The following TAOK3 variants were observed in gnomAD, a reference collection of about 807,000 sequenced individuals.
The protein encoded by TAOK3 is serine/threonine-protein kinase TAO3.
In TAOK3, 40 loss-of-function variants were observed where a neutral mutation model predicts 120.4. The observed-to-expected ratio is 0.33, with a 90% CI of 0.26 to 0.43. The LOEUF (loss-of-function observed/expected upper bound fraction) is 0.43. TAOK3 is among the 20% of genes least tolerant of loss of function. TAOK3 has a pLI of 1.00. For synonymous variants in TAOK3, 355 were observed against 387.5 expected, an observed-to-expected ratio of 0.92 and a Z score of 0.99; for missense variants, 821 against 1,112.1, an observed-to-expected ratio of 0.74 and a Z score of 3.72.
rs147120155 is a variant in TAOK3, at chr12:118,199,084, T to A, written c.1161A>T (p.Thr387=). The change falls in exon 13 of 21, where the codon ACA becomes ACT. Residue 387 remains threonine (T), a synonymous_variant. Transcript: ENST00000392533. Reference sequence around the variant, plus strand: ...GCACGACGGAGGAGCTGGAATTGATTGTGCTTTCGTCATCGTGCATCATGA... The same window carrying A: ...GCACGACGGAGGAGCTGGAATTGATAGTGCTTTCGTCATCGTGCATCATGA... ...ELVMMHDDES[T]INSSSSVVHK... The A allele has an allele frequency of 6.2e-7, 1 of 1,614,168 alleles. No homozygotes were observed. The highest frequency in any genetic ancestry group is 1.1e-5 in the South Asian group (1 of 91,088).
At chr12:118,324,734 CTTTTTTTTT>C (rs35462737) in intron 1 of TAOK3, among the ~76,000 whole-genome samples, 3 of 69,584 alleles carry the variant, frequency 4.3e-5, no homozygotes, top group African/African-American at 1.8e-4. Flanking sequence ...GAATTTCATT[CTTTTTTTTT>C]TTTTTTTTTT....
chr12:118,205,606 C>A (rs142669893), intron 11 of TAOK3, among the ~76,000 whole-genome samples: 9 of 151,976 alleles, frequency 5.9e-5, no homozygotes, highest in East Asian at 1.9e-4. Context: ...ATGTCATTCC[C>A]CCATTCCAAC....
intron 1 of TAOK3, among the ~76,000 whole-genome samples, chr12:118,301,018 T>C (rs1224199736): frequency 6.6e-6 from 1 of 152,112 alleles, no homozygotes; most frequent in Non-Finnish European, 1.5e-5. Context: ...TCAAATGATC[T>C]GCCTGCCTCA....
intron 13 of TAOK3, among the ~76,000 whole-genome samples, chr12:118,196,863 G>A (rs969600878): frequency 6.6e-6 from 1 of 152,058 alleles, no homozygotes; most frequent in African/African-American, 2.4e-5. Context: ...CACTATTCTA[G>A]GTATTGGATT....
rs569332293 is a variant in TAOK3 at position 118,181,263 on chromosome 12, A to G, written c.1566+108T>C. ...GAAACCCAATTTTGCCACCCCGGAA[A>G]CAACAATTTTCCTCCATCCCCCACT... On this transcript the variant is annotated intron_variant, in intron 15 of 20. Coordinates refer to ENST00000392533, the MANE Select transcript of TAOK3 (RefSeq NM_016281.4). The G allele has an allele frequency of 1.0e-4, 98 of 973,582 alleles. No individual in the cohort carries two copies. In the African/African-American group the frequency reaches 1.5e-3, roughly 15 times the overall value. The allele number at this position is 973,582 out of a possible 1,614,324, so 60.3% of individuals were successfully genotyped here.
Position 118,353,887 on chromosome 12 carries a change from T to C in TAOK3, c.-194+18761A>G, listed in dbSNP as rs891850166. Among the ~76,000 whole-genome samples, 64 of 152,214 alleles carry C rather than the reference T, an allele frequency of 4.2e-4. 1 individual carries two copies. Among genetic ancestry groups the C allele is most frequent in the Non-Finnish European group, 1.0e-4 (7 of 68,024 alleles). On this transcript the variant is annotated intron_variant, in intron 1 of 20. Coordinates refer to ENST00000392533, the MANE Select transcript of TAOK3 (RefSeq NM_016281.4). ...AACATTTTTTTTTTCAAGTATCCTA[T>C]AAGGAGTTTCCTTGTTTGGTTTAGT...
In TAOK3 at chr12:118,255,652, G is replaced by C. The variant is rs1353214875; in HGVS notation, c.-85C>G. The C allele has an allele frequency of 2.2e-6, 3 of 1,371,108 alleles. No homozygotes were observed. In the African/African-American group the frequency reaches 4.4e-5, roughly 20 times the overall value. 84.9% of individuals were successfully genotyped at this position (1,371,108 alleles called of 1,614,324 possible). Reference sequence around the variant, plus strand: ...ATTTTTTTTGGGGGGTAAATCTTCAGTACCTGTAGAAAAATAAGGTTTGCC... The same window carrying C: ...ATTTTTTTTGGGGGGTAAATCTTCACTACCTGTAGAAAAATAAGGTTTGCC... On this transcript the variant is annotated 5_prime_UTR_variant, in exon 3 of 21. The change creates a premature stop within an existing upstream ORF in the 5' untranslated region. Coordinates refer to ENST00000392533, the MANE Select transcript of TAOK3 (RefSeq NM_016281.4).
Position 118,212,894 on chromosome 12 carries a change from A to C in TAOK3, c.819+20T>G. On this transcript the variant is annotated intron_variant, in intron 11 of 20. Transcript: ENST00000392533. ...CATGACTTTAAATCCCCCTCCTCAA[A>C]TATAAATTTGAAAAATTACCCTTAA... 1 of 1,540,214 alleles carries C rather than the reference A, an allele frequency of 6.5e-7. No homozygotes were observed. The highest frequency in any genetic ancestry group is 2.2e-5 in the East Asian group (1 of 44,456).
At chr12:118,339,391 T>A (rs769745925) in intron 1 of TAOK3, among the ~76,000 whole-genome samples, 4 of 150,482 alleles carry the variant, frequency 2.7e-5, no homozygotes, top group Non-Finnish European at 4.4e-5. Flanking sequence ...TTCAGGCGAT[T>A]CTCCTGCCTC....
chr12:118,190,038 T>C, intron 13 of TAOK3, 97 bp from the exon 14 acceptor site: 1 of 1,501,460 alleles, frequency 6.7e-7, no homozygotes. Flanking sequence ...GCACTGCTGT[T>C]TGAAATGCAT....
At chr12:118,298,027 G>C (rs1469720236) in intron 1 of TAOK3, among the ~76,000 whole-genome samples, 1 of 152,122 alleles carries the variant, frequency 6.6e-6, no homozygotes, top group Non-Finnish European at 1.5e-5. Context: ...TGATCCTTCT[G>C]TCTTGGCCTC....
chr12:118,213,830 T>G (rs562894314), intron 10 of TAOK3, among the ~76,000 whole-genome samples, 187 bp downstream of exon 10: 3 of 152,212 alleles, frequency 2.0e-5, no homozygotes, highest in Admixed American at 6.5e-5. Context: ...AAGGCAAAAA[T>G]AAGAAAATCT....
At chr12:118,181,345 A>C in intron 15 of TAOK3, 26 bp downstream of exon 15, 3 of 1,574,036 alleles carry the variant, frequency 1.9e-6, no homozygotes, top group Non-Finnish European at 2.6e-6. Context: ...TGGTTGTGGC[A>C]TGAAGGCGTG....
At chr12:118,262,821 C>T (rs1277294011) in intron 2 of TAOK3, among the ~76,000 whole-genome samples, 13 of 128,048 alleles carry the variant, frequency 1.0e-4, no homozygotes, top group Admixed American at 4.1e-4. Flanking sequence ...AGCAAGACTC[C>T]GTCTCAAAAA....
chr12:118,171,565 C>T (rs1394303786), intron 17 of TAOK3, among the ~76,000 whole-genome samples: 2 of 152,282 alleles, frequency 1.3e-5, no homozygotes, highest in African/African-American at 2.4e-5. Flanking sequence ...CCATGTTGGC[C>T]AGGTTGGTCT....
intron 1 of TAOK3, among the ~76,000 whole-genome samples, chr12:118,362,568 C>G (rs1007264771): frequency 6.6e-6 from 1 of 152,124 alleles, no homozygotes; most frequent in African/African-American, 2.4e-5. Flanking sequence ...TATTTGTTCA[C>G]AGTCGCAAAT....
chr12:118,192,515 T>C (rs1267485861), intron 13 of TAOK3, among the ~76,000 whole-genome samples: 4 of 152,296 alleles, frequency 2.6e-5, no homozygotes, highest in Non-Finnish European at 2.9e-5. Context: ...AAAATTTTAG[T>C]CTAACAGTGG....
intron 11 of TAOK3, among the ~76,000 whole-genome samples, chr12:118,204,829 A>G (rs188735642): frequency 6.6e-6 from 1 of 152,296 alleles, no homozygotes; most frequent in African/African-American, 2.4e-5. Flanking sequence ...TAAGAGTTCA[A>G]GAGCTGCCTG....
chr12:118,368,913 C>T (rs1259922699), intron 1 of TAOK3, among the ~76,000 whole-genome samples: 2 of 148,324 alleles, frequency 1.3e-5, no homozygotes, highest in African/African-American at 5.0e-5. Flanking sequence ...AATCCCAGCA[C>T]TTTGGCAGGT....
Sources: gnomAD v4.1 joint callset for allele counts (sites outside exome capture counted in the v4.1 genomes callset) on GRCh38, gnomAD v4.1.1 for gene constraint, MANE v1.5 for transcripts, NCBI Gene and HGNC (gene_info 2026-07-23, HGNC 2026-07-21) for gene names.